The following LRFN2 variants were observed in gnomAD, a reference collection of about 807,000 sequenced individuals.
LRFN2 encodes leucine-rich repeat and fibronectin type-III domain-containing protein 2.
In LRFN2, 18 loss-of-function variants were observed where a neutral mutation model predicts 37.3. The observed-to-expected ratio is 0.48, with a 90% CI of 0.33 to 0.72. The LOEUF is 0.72. Among genes scored for constraint, LRFN2 ranks in the 30% least tolerant of loss-of-function variants. The pLI, the probability that LRFN2 is intolerant of heterozygous loss-of-function variation, is 0.02. For synonymous variants in LRFN2, 556 were observed against 466.6 expected (o/e 1.19, Z -2.47); for missense variants, 1,006 against 1,060.7 (o/e 0.95, Z 0.72).
chr6:40,497,812 G>A (rs1200694769), intron 1 of LRFN2, among the ~76,000 whole-genome samples: 3 of 152,164 alleles, frequency 2.0e-5, no homozygotes, highest in Admixed American at 6.5e-5. Flanking sequence ...GGCTCCCCAG[G>A]AAGCAAGGAT....
At chr6:40,485,644 C>G (rs983830020) in intron 1 of LRFN2, among the ~76,000 whole-genome samples, 8 of 152,186 alleles carry the variant, frequency 5.3e-5, no homozygotes, top group African/African-American at 2.4e-5. Context: ...AGGTCTTGAA[C>G]AGGCCAGGCT....
chr6:40,485,805 C>T (rs1008114987), intron 1 of LRFN2, among the ~76,000 whole-genome samples: 2 of 152,164 alleles, frequency 1.3e-5, no homozygotes, highest in African/African-American at 2.4e-5. Context: ...GATTTAAGTG[C>T]CCCCAGAAGG....
At chr6:40,565,673 G>T (rs2113791251) in intron 1 of LRFN2, among the ~76,000 whole-genome samples, 1 of 151,670 alleles carries the variant, frequency 6.6e-6, no homozygotes, top group South Asian at 2.1e-4. Flanking sequence ...GGGAAAACTG[G>T]CTAGCCATAT....
intron 1 of LRFN2, among the ~76,000 whole-genome samples, chr6:40,475,148 C>A (rs977813284): frequency 6.6e-6 from 1 of 152,194 alleles, no homozygotes; most frequent in Non-Finnish European, 1.5e-5. Flanking sequence ...AGGACCCTTG[C>A]TCCATAGCAA....
chr6:40,430,883 C>T (rs540932751), intron 2 of LRFN2, among the ~76,000 whole-genome samples: 12 of 152,292 alleles, frequency 7.9e-5, no homozygotes, highest in East Asian at 1.9e-4. Context: ...CCCTCTAGGG[C>T]TCTAAGTAGG....
chr6:40,524,950 G>A (rs1014769932), intron 1 of LRFN2, among the ~76,000 whole-genome samples: 3 of 152,202 alleles, frequency 2.0e-5, no homozygotes, highest in Non-Finnish European at 4.4e-5. Context: ...AATGAGCTTG[G>A]AGTAAGGAGA....
intron 1 of LRFN2, among the ~76,000 whole-genome samples, chr6:40,572,644 C>T (rs1011276750): frequency 6.6e-6 from 1 of 152,228 alleles, no homozygotes; most frequent in African/African-American, 2.4e-5. Flanking sequence ...AATTTATAGA[C>T]TCTTGTCCCT....
At chr6:40,539,233 T>A (rs1157441279) in intron 1 of LRFN2, among the ~76,000 whole-genome samples, 1 of 152,152 alleles carries the variant, frequency 6.6e-6, no homozygotes, top group African/African-American at 2.4e-5. Flanking sequence ...GGAGCCTTCC[T>A]AAACAGAGCC....
chr6:40,457,977 T>G (rs1052174099), intron 1 of LRFN2, among the ~76,000 whole-genome samples: 1 of 152,200 alleles, frequency 6.6e-6, no homozygotes, highest in Non-Finnish European at 1.5e-5. Flanking sequence ...GAAGCTATCA[T>G]TAGCCTGGAT....
At position 40,392,348 on chromosome 6, in the gene LRFN2, G is replaced by C; in HGVS notation, c.1965C>G (p.Arg655=). Reference sequence around the variant, plus strand: ...CCAGGGAGGCGAAGGCCCCCATCAGGCGGTCAAGGCTGGGCTTGGGGCGCG... The same window carrying C: ...CCAGGGAGGCGAAGGCCCCCATCAGCCGGTCAAGGCTGGGCTTGGGGCGCG... The part of the protein sequence containing the change: ...SAPRPKPSLD[R]LMGAFASLDL... The change falls in exon 3 of 3, where the codon CGC becomes CGG. Residue 655 remains arginine, a synonymous_variant. Transcript: ENST00000338305. The surrounding 1 kb of genome is among the most constrained non-coding windows in gnomAD (Gnocchi z 4.7). The C allele has an allele frequency of 6.2e-7, 1 of 1,609,370 alleles. No homozygotes were observed. The highest frequency in any genetic ancestry group is 8.5e-7 in the Non-Finnish European group (1 of 1,178,316).
intron 1 of LRFN2, among the ~76,000 whole-genome samples, chr6:40,519,948 C>A (rs1412793975): frequency 6.6e-6 from 1 of 152,064 alleles, no homozygotes; most frequent in Non-Finnish European, 1.5e-5. Flanking sequence ...GGAGAAGGGG[C>A]ATGGAAGGGC....
chr6:40,399,059 GGA>G (rs1017443862), intron 2 of LRFN2, among the ~76,000 whole-genome samples: 1 of 151,906 alleles, frequency 6.6e-6, no homozygotes, highest in South Asian at 2.1e-4. Context: ...TGGAGGCACT[GGA>G]GAGAGAGACT....
intron 1 of LRFN2, among the ~76,000 whole-genome samples, chr6:40,501,404 T>G (rs1765378773): frequency 6.6e-6 from 1 of 151,988 alleles, no homozygotes; most frequent in African/African-American, 2.4e-5. Flanking sequence ...CACTGAGGCC[T>G]TGATCTCCTG....
At chr6:40,568,526 G>A (rs1284126868) in intron 1 of LRFN2, among the ~76,000 whole-genome samples, 1 of 152,230 alleles carries the variant, frequency 6.6e-6, no homozygotes, top group Non-Finnish European at 1.5e-5. Context: ...CGAAGATAAA[G>A]ATCCTACGTG....
chr6:40,484,773 CT>C (rs1316163867), intron 1 of LRFN2, among the ~76,000 whole-genome samples: 1 of 152,232 alleles, frequency 6.6e-6, no homozygotes, highest in African/African-American at 2.4e-5. Context: ...ATATTTGATC[CT>C]TCTCTCAGAG....
rs148566803 is a variant in LRFN2, at chr6:40,501,949, G to T, written c.-18-68818C>A. ...ATTTTGTCATTAGTGACTTCATGAA[G>T]CATGTCCTGACTCCACACACCCTGT... On this transcript the variant is annotated intron_variant, in intron 1 of 2. Transcript: ENST00000338305. 4.5e-3 allele frequency among the ~76,000 whole-genome samples: 680 copies of T among 152,302 alleles called. 4 individuals carry two copies. Among genetic ancestry groups the T allele is most frequent in the African/African-American group, 0.015 (639 of 41,570 alleles).
At chr6:40,509,402 CT>C (rs1222942488) in intron 1 of LRFN2, among the ~76,000 whole-genome samples, 2 of 152,246 alleles carry the variant, frequency 1.3e-5, no homozygotes, top group Non-Finnish European at 2.9e-5. Flanking sequence ...TCATAACCCA[CT>C]TGTGGGTCAG....
At chr6:40,576,061 A>T (rs1767271442) in intron 1 of LRFN2, among the ~76,000 whole-genome samples, 2 of 152,198 alleles carry the variant, frequency 1.3e-5, no homozygotes. Flanking sequence ...TGGTCATTCC[A>T]TTAGCCTTCC....
At position 40,432,803 on chromosome 6, in the gene LRFN2, G is replaced by A. The variant is rs1370737256; in HGVS notation, c.311C>T (p.Ser104Phe). 1 of 1,614,230 alleles carries A rather than the reference G, an allele frequency of 6.2e-7. No homozygotes were observed. Among genetic ancestry groups the A allele is most frequent in the Non-Finnish European group, 8.5e-7 (1 of 1,180,048 alleles). Reference sequence around the variant, plus strand: ...CAGCCGATTGCTGTCAAGATGCAGGGAGCGGAGGCTCTCGAGGTCCAGAAA... The same window carrying A: ...CAGCCGATTGCTGTCAAGATGCAGGAAGCGGAGGCTCTCGAGGTCCAGAAA... ...FSFLDLESLR[S>F]LHLDSNRLPS... is the part of the protein sequence containing the mutation. Residue 104 changes from serine (S) to phenylalanine (F), a missense_variant, in exon 2 of 3, where the codon TCC becomes TTC. Physicochemically the swap from Ser to Phe is radical, Grantham distance 155 (BLOSUM62 -2). This residue lies in a region of LRFN2 where 185 missense variants were observed against 254.9 expected (regional missense o/e 0.73). Transcript: ENST00000338305.
Sources: gnomAD v4.1 joint callset for allele counts (sites outside exome capture counted in the v4.1 genomes callset) on GRCh38, gnomAD v4.1.1 for gene constraint, gnomAD v4.1.1 regional missense constraint, Gnocchi (gnomAD v3.1) non-coding constraint, MANE v1.5 for transcripts, NCBI Gene and HGNC (gene_info 2026-07-23, HGNC 2026-07-21) for gene names.